Variants in ATG12 observed in about 807,000 individuals in gnomAD.
ATG12 encodes the protein ubiquitin-like protein ATG12.
In ATG12, 19 loss-of-function variants were observed where a neutral mutation model predicts 17.6. The ratio of observed to expected loss-of-function variants is 1.08; its 90% CI spans 0.75 to 1.58. ATG12 has a LOEUF of 1.58. ATG12 is among the 40% of genes most tolerant of loss of function. The pLI is 0.00. For synonymous variants in ATG12, 75 were observed against 62.4 expected (o/e 1.20, Z -0.95); for missense variants, 214 against 162.0 (o/e 1.32, Z -1.74).
In ATG12 at chr5:115,830,628, G is replaced by A. The variant is rs1760832126; in HGVS notation, c.*1176C>T. ...TACAATCACGACTCACTATACCCTT[G>A]AACTTCTGGGCTCAGGGGATCCTCT... On this transcript the variant is annotated 3_prime_UTR_variant, in exon 4 of 4. Transcript: ENST00000509910. The A allele has an allele frequency of 6.6e-6, 1 of 151,800 alleles. No individual in the cohort carries two copies. The highest frequency in any genetic ancestry group is 2.1e-4 in the South Asian group (1 of 4,814). The allele number at this position is 151,800 out of a possible 1,614,324, so 9.4% of individuals were successfully genotyped here. A position where few individuals can be genotyped will look rare whatever the true frequency, so the allele number is the denominator to read the frequency against.
chr5:115,832,464 A>G (rs188431024), intron 3 of ATG12, 138 bp downstream of exon 3: 200 of 1,032,418 alleles, frequency 1.9e-4, no homozygotes, highest in Non-Finnish European at 2.3e-4. Context: ...AAAATTAAGA[A>G]TGGCATGCCA....
rs76309511 is a variant in ATG12, at chr5:115,837,263, G to C, written c.300+365C>G. ...ACTCCACTAACAAGAGATAAGGCAG[G>C]GCACAGTGGCACACTCATGTAATTC... On this transcript the variant is annotated intron_variant, in intron 2 of 3. Transcript: ENST00000509910. 3.1e-3 allele frequency among the ~76,000 whole-genome samples: 466 copies of C among 152,114 alleles called. 3 individuals carry two copies. Among genetic ancestry groups the C allele is most frequent in the African/African-American group, 0.011 (446 of 41,492 alleles).
Position 115,830,009 on chromosome 5 carries a change from C to A in ATG12, c.*1795G>T, listed in dbSNP as rs144265366. ...GCAGGTGCCTGTAATCCCAGCTACTCAGGAGGCTGAGGCAGGAGAATCACT... is the reference window on the plus strand; with the variant it reads ...GCAGGTGCCTGTAATCCCAGCTACTAAGGAGGCTGAGGCAGGAGAATCACT... On this transcript the variant is annotated 3_prime_UTR_variant, in exon 4 of 4. Transcript: ENST00000509910. The A allele has an allele frequency of 6.6e-6, 1 of 151,452 alleles. No individual in the cohort carries two copies. Among genetic ancestry groups the A allele is most frequent in the African/African-American group, 2.4e-5 (1 of 41,264 alleles). 9.4% of individuals were successfully genotyped at this position (151,452 alleles called of 1,614,324 possible).
intron 1 of ATG12, among the ~76,000 whole-genome samples, chr5:115,840,166 A>G (rs917057666): frequency 1.3e-5 from 2 of 152,234 alleles, no homozygotes; most frequent in Non-Finnish European, 2.9e-5. Context: ...TCCAGTGGCT[A>G]TCCATGGAAA....
At chr5:115,832,793 CT>C (rs1760942065) in intron 2 of ATG12, 129 bp from the exon 3 acceptor site, 3 of 860,800 alleles carry the variant, frequency 3.5e-6, no homozygotes, top group African/African-American at 3.5e-5. Context: ...GAACTCCTAA[CT>C]TTTCTAAATA....
intron 2 of ATG12, chr5:115,834,776 T>C (rs1175700558): frequency 6.6e-6 from 1 of 152,212 alleles, no homozygotes; most frequent in African/African-American, 2.4e-5. Context: ...TTCTAAGTCA[T>C]GCCCTCTTTC....
intron 1 of ATG12, 166 bp downstream of exon 1, chr5:115,841,224 T>TA (rs1334304557): frequency 4.6e-5 from 39 of 851,856 alleles, no homozygotes; most frequent in Non-Finnish European, 1.6e-5. Context: ...ACACTCAACT[T>TA]AAAGGCCTTA....
rs970478731 is a variant in ATG12, at chr5:115,841,478, G to A, written c.75C>T (p.Val25=). The A allele has an allele frequency of 3.7e-6, 6 of 1,611,506 alleles. No homozygotes were observed. The highest frequency in any genetic ancestry group is 1.7e-4 in the Middle Eastern group (1 of 6,034). ...GCTCCGGGGTGGTTGTTTCTGGGGAGACATCCGTAAGTCCTTCCCCTCCAG... is the reference window on the plus strand; with the variant it reads ...GCTCCGGGGTGGTTGTTTCTGGGGAAACATCCGTAAGTCCTTCCCCTCCAG... ...IAAGGEGLTD[V]SPETTTPEPP... Residue 25 remains valine, a synonymous_variant, in exon 1 of 4, where the codon GTC becomes GTT. Transcript: ENST00000509910.
chr5:115,831,700 G>C lies in ATG12; in HGVS notation c.*104C>G. ...ACATAGAGTAGACACATACTAAATA[G>C]ATCACATCTGTTAAGTCTCTTGCCA... On this transcript the variant is annotated 3_prime_UTR_variant, in exon 4 of 4. Coordinates refer to ENST00000509910, the MANE Select transcript of ATG12 (RefSeq NM_004707.4). The C allele has an allele frequency of 9.7e-7, 1 of 1,035,012 alleles. No homozygotes were observed. Among genetic ancestry groups the C allele is most frequent in the Non-Finnish European group, 1.5e-6 (1 of 680,104 alleles). 64.1% of individuals were successfully genotyped at this position (1,035,012 alleles called of 1,614,324 possible).
At chr5:115,832,436 TC>T (rs1274497589) in intron 3 of ATG12, among the ~76,000 whole-genome samples, 165 bp downstream of exon 3, 1 of 151,952 alleles carries the variant, frequency 6.6e-6, no homozygotes, top group Non-Finnish European at 1.5e-5. Context: ...AACAAGAAAG[TC>T]ATCTTTTCTA....
intron 1 of ATG12, chr5:115,839,354 A>T (rs1761234305): frequency 1.3e-5 from 2 of 152,082 alleles, no homozygotes; most frequent in South Asian, 4.1e-4. Context: ...CTACTTAATT[A>T]TCCTAGGTCC....
intron 1 of ATG12, chr5:115,839,136 A>T: frequency 6.6e-6 from 1 of 151,874 alleles, no homozygotes; most frequent in East Asian, 1.9e-4. Context: ...AAAAAAAAAA[A>T]AAAAATCTAC....
At position 115,831,497 on chromosome 5, in the gene ATG12, A is replaced by C; in HGVS notation, c.*307T>G. On this transcript the variant is annotated 3_prime_UTR_variant, in exon 4 of 4. Transcript: ENST00000509910. ...TCAGTCATTTTGAGAACTGACAATGAAGATGTTTATACAGTCTTAGTCTCC... is the reference window on the plus strand; with the variant it reads ...TCAGTCATTTTGAGAACTGACAATGCAGATGTTTATACAGTCTTAGTCTCC... The C allele has an allele frequency of 2.7e-6, 1 of 375,216 alleles. No homozygotes were observed. The highest frequency in any genetic ancestry group is 4.8e-6 in the Non-Finnish European group (1 of 209,782). 23.2% of individuals were successfully genotyped at this position (375,216 alleles called of 1,614,324 possible). A position where few individuals can be genotyped will look rare whatever the true frequency, so the allele number is the denominator to read the frequency against.
Position 115,837,747 on chromosome 5 carries a change from C to G in ATG12, c.181G>C (p.Ala61Pro), listed in dbSNP as rs1237189199. Residue 61 changes from alanine (A) to proline (P), a missense_variant, in exon 2 of 4, where the codon GCT becomes CCT. Transcript: ENST00000509910. ...TTCATAATAGGAGTGTCTCCCACAG[C>G]CTTTAGCAAAATGTCAACTGTAAAA... ...TKKKIDILLK[A>P]VGDTPIMKTK... is the part of the protein sequence containing the mutation. 6.2e-7 allele frequency: 1 copy of G among 1,601,264 alleles called. No individual in the cohort carries two copies. The highest frequency in any genetic ancestry group is 8.5e-7 in the Non-Finnish European group (1 of 1,176,676).
chr5:115,837,586 A>T (rs1463868918), intron 2 of ATG12, 42 bp downstream of exon 2: 4 of 1,604,764 alleles, frequency 2.5e-6, no homozygotes, highest in Non-Finnish European at 2.6e-6. Flanking sequence ...CCTAGGAACT[A>T]CTGCAAATTT....
At position 115,831,471 on chromosome 5, in the gene ATG12, T is replaced by G; in HGVS notation, c.*333A>C. On this transcript the variant is annotated 3_prime_UTR_variant, in exon 4 of 4. Transcript: ENST00000509910. ...TATTAACTTTTACCATGAAAACAAT[T>G]TCAGTCATTTTGAGAACTGACAATG... 1 of 326,246 alleles carries G rather than the reference T, an allele frequency of 3.1e-6. No homozygotes were observed. The allele number at this position is 326,246 out of a possible 1,614,324, so 20.2% of individuals were successfully genotyped here. A position where few individuals can be genotyped will look rare whatever the true frequency, so the allele number is the denominator to read the frequency against.
chr5:115,835,615 G>C (rs1041789216), intron 2 of ATG12, among the ~76,000 whole-genome samples: 3 of 151,966 alleles, frequency 2.0e-5, no homozygotes, highest in African/African-American at 4.8e-5. Context: ...GAGATTGTTT[G>C]AGCCCTTCAA....
chr5:115,833,317 C>T (rs1486315993), intron 2 of ATG12: 1 of 151,912 alleles, frequency 6.6e-6, no homozygotes, highest in Non-Finnish European at 1.5e-5. Context: ...TTGCAGGTAA[C>T]ATATTTAGTT....
intron 2 of ATG12, 30 bp from the exon 3 acceptor site, chr5:115,832,694 T>G: frequency 3.3e-6 from 5 of 1,501,812 alleles, no homozygotes; most frequent in Non-Finnish European, 4.4e-6. Flanking sequence ...AACAGAGATG[T>G]TTAATGGTAT....
Sources: gnomAD v4.1 joint callset for allele counts (sites outside exome capture counted in the v4.1 genomes callset) on GRCh38, gnomAD v4.1.1 for gene constraint, MANE v1.5 for transcripts, NCBI Gene and HGNC (gene_info 2026-07-23, HGNC 2026-07-21) for gene names.